The following ELF1 variants were observed in gnomAD, a reference collection of about 807,000 sequenced individuals.
ELF1 encodes ETS-related transcription factor Elf-1.
Under a neutral mutation model 59.9 loss-of-function variants are expected in ELF1, and 24 were observed. That is an observed-to-expected ratio of 0.40 (90% CI 0.29 to 0.56). ELF1 has a LOEUF of 0.56. Ranked by LOEUF, ELF1 falls within the 20% of genes least tolerant of loss-of-function variation. The pLI, the probability that ELF1 is intolerant of heterozygous loss-of-function variation, is 0.44. For missense variants in ELF1, 627 were observed against 742.2 expected (o/e 0.84, Z 1.80); for synonymous variants, 248 against 266.2 (o/e 0.93, Z 0.67).
At chr13:40,965,020 C>T (rs1340421981) in intron 2 of ELF1, among the ~76,000 whole-genome samples, 1 of 152,162 alleles carries the variant, frequency 6.6e-6, no homozygotes, top group Non-Finnish European at 1.5e-5. Flanking sequence ...CACGCAGGCA[C>T]AATTCAACCA....
chr13:41,027,970 G>T (rs1271038057), intron 1 of ELF1, among the ~76,000 whole-genome samples: 1 of 152,088 alleles, frequency 6.6e-6, no homozygotes, highest in Non-Finnish European at 1.5e-5. Context: ...CCACTACATG[G>T]TACTGTTTTT....
At chr13:41,008,365 C>G (rs1593392664) in intron 1 of ELF1, among the ~76,000 whole-genome samples, 1 of 152,094 alleles carries the variant, frequency 6.6e-6, no homozygotes, top group Non-Finnish European at 1.5e-5. Flanking sequence ...AAACAACTAA[C>G]AGCAATTGTC....
At position 40,941,168 on chromosome 13, in the gene ELF1, C is replaced by T. The variant is rs2138127060; in HGVS notation, c.1009G>A (p.Val337Ile). The T allele has an allele frequency of 1.2e-6, 2 of 1,614,038 alleles. No individual in the cohort carries two copies. Among genetic ancestry groups the T allele is most frequent in the Non-Finnish European group, 8.5e-7 (1 of 1,179,910 alleles). The stretch of plus-strand genomic sequence containing the variant: ...AGAACTGTAGTGGCTCCTCCTTTTA[C>T]CCCTGGACTTGAAGATACTCTCGAC... ...SRSRVSSSPG[V>I]KGGATTVLKP... Residue 337 changes from valine to isoleucine, a missense_variant, in exon 8 of 9, where the codon GTA becomes ATA. By Grantham distance (29) the Val-to-Ile change is conservative (BLOSUM62 3). Around this residue, in one of 3 missense-constraint regions of ELF1, gnomAD observed 361 missense variants for 396.1 expected, o/e 0.91. Coordinates refer to ENST00000239882, the MANE Select transcript of ELF1 (RefSeq NM_172373.4).
At chr13:40,977,067 G>GA (rs978876802) in intron 2 of ELF1, among the ~76,000 whole-genome samples, 14 of 147,910 alleles carry the variant, frequency 9.5e-5, no homozygotes, top group African/African-American at 1.7e-4. Flanking sequence ...ACCAATGACT[G>GA]AAAAAAAAAT....
At chr13:41,039,168 G>C (rs1023453468) in intron 1 of ELF1, among the ~76,000 whole-genome samples, 1 of 151,916 alleles carries the variant, frequency 6.6e-6, no homozygotes, top group African/African-American at 2.4e-5. Context: ...GGAAGGCCGA[G>C]GTAGGTGGAT....
intron 1 of ELF1, among the ~76,000 whole-genome samples, chr13:41,053,820 G>A (rs886355825): frequency 3.3e-5 from 5 of 152,128 alleles, no homozygotes; most frequent in African/African-American, 1.2e-4. Context: ...TATAATTTGT[G>A]AGCAGAGTGT....
At position 41,019,280 on chromosome 13, in the gene ELF1, C is replaced by T. The variant is rs1050520284; in HGVS notation, c.-281G>A. 9.1e-6 allele frequency: 9 copies of T among 985,340 alleles called. No homozygotes were observed. Among genetic ancestry groups the T allele is most frequent in the African/African-American group, 5.2e-5 (3 of 57,314 alleles). The allele number at this position is 985,340 out of a possible 1,614,324, so 61.0% of individuals were successfully genotyped here. A position where few individuals can be genotyped will look rare whatever the true frequency, so the allele number is the denominator to read the frequency against. ...TTGAGCTTGAAAATAAAAAGCAATC[C>T]GACAAGTTTTAGCTGTTAAAATGGC... On this transcript the variant is annotated 5_prime_UTR_variant, in exon 1 of 9. Coordinates refer to ENST00000239882, the MANE Select transcript of ELF1 (RefSeq NM_172373.4).
intron 2 of ELF1, among the ~76,000 whole-genome samples, 188 bp downstream of exon 2, chr13:40,981,795 T>G (rs2138271384): frequency 1.3e-5 from 2 of 152,298 alleles, no homozygotes; most frequent in South Asian, 4.1e-4. Flanking sequence ...AAGCTAAGGA[T>G]AAGACTTATT....
At chr13:41,060,905 A>G (rs1367442666) in exon 1 of ELF1, 3 of 320,486 alleles carry the variant, frequency 9.4e-6, no homozygotes, top group Non-Finnish European at 1.2e-5. Context: ...GCGCTACTGA[A>G]GCTGCTGCTG....
At chr13:40,954,779 G>C (rs1291563848) in intron 3 of ELF1, among the ~76,000 whole-genome samples, 7 of 150,034 alleles carry the variant, frequency 4.7e-5, no homozygotes, top group African/African-American at 1.5e-4. Flanking sequence ...GAGTGCAGTG[G>C]CGTGATCTCG....
At position 40,932,016 on chromosome 13, in the gene ELF1, G is replaced by A. The variant is rs1869439723; in HGVS notation, c.*1409C>T. 1 of 152,054 alleles carries A rather than the reference G, an allele frequency of 6.6e-6. No individual in the cohort carries two copies. The highest frequency in any genetic ancestry group is 2.4e-5 in the African/African-American group (1 of 41,396). 9.4% of individuals were successfully genotyped at this position (152,054 alleles called of 1,614,324 possible). ...CTTATTCTTTAAGAAACTTTTGCCTGAAAACAGACACTGAGAATTTTTATA... is the reference window on the plus strand; with the variant it reads ...CTTATTCTTTAAGAAACTTTTGCCTAAAAACAGACACTGAGAATTTTTATA... On this transcript the variant is annotated 3_prime_UTR_variant, in exon 9 of 9. Transcript: ENST00000239882.
chr13:40,984,153 T>C (rs867803485), intron 1 of ELF1, among the ~76,000 whole-genome samples: 1 of 152,234 alleles, frequency 6.6e-6, no homozygotes, highest in African/African-American at 2.4e-5. Context: ...CCAAGACAAC[T>C]GAAGCAAAAC....
rs201071411 is a variant in ELF1 at position 41,044,111 on chromosome 13, G to T, written c.-229+16727C>A. 2.6e-5 allele frequency among the ~76,000 whole-genome samples: 4 copies of T among 152,192 alleles called. No homozygotes were observed. The East Asian group carries it at 7.7e-4, about 29-fold the overall frequency. On this transcript the variant is annotated intron_variant, in intron 1 of 1. Coordinates refer to the ELF1 transcript ENST00000405737. ...GGTTCTCTGTTTGTCTGTTATTGGT[G>T]TATAAGAATGCTTGTGATTTTTGCA...
chr13:40,979,233 AT>A (rs369914517), intron 2 of ELF1, among the ~76,000 whole-genome samples: 1 of 151,734 alleles, frequency 6.6e-6, no homozygotes, highest in East Asian at 1.9e-4. Flanking sequence ...ACACACACAC[AT>A]AATGACAAAA....
intron 1 of ELF1, among the ~76,000 whole-genome samples, chr13:41,005,819 T>A (rs571222286): frequency 6.8e-6 from 1 of 146,318 alleles, no homozygotes. Flanking sequence ...CCCAAACTAA[T>A]AATCAATCCT....
At chr13:41,061,351 T>C in exon 1 of ELF1, 1 of 469,086 alleles carries the variant, frequency 2.1e-6, no homozygotes, top group South Asian at 2.5e-5. Context: ...AGGCTTGAGA[T>C]CCCGTCCTTC....
At chr13:41,018,879 C>T (rs1875569942) in intron 1 of ELF1, among the ~76,000 whole-genome samples, 1 of 152,074 alleles carries the variant, frequency 6.6e-6, no homozygotes, top group African/African-American at 2.4e-5. Flanking sequence ...CTTCAACTAC[C>T]CCAAAAAATA....
At chr13:41,006,348 G>C (rs929216153) in intron 1 of ELF1, among the ~76,000 whole-genome samples, 1 of 152,074 alleles carries the variant, frequency 6.6e-6, no homozygotes, top group African/African-American at 2.4e-5. Context: ...AACCATGAAG[G>C]AAGAATGAAG....
At chr13:41,040,901 C>T (rs576716651) in intron 1 of ELF1, among the ~76,000 whole-genome samples, 13 of 152,178 alleles carry the variant, frequency 8.5e-5, no homozygotes, top group East Asian at 7.7e-4. Flanking sequence ...AGCACTGTTC[C>T]GCAGACTAAG....
Sources: gnomAD v4.1 joint callset for allele counts (sites outside exome capture counted in the v4.1 genomes callset) on GRCh38, gnomAD v4.1.1 for gene constraint, gnomAD v4.1.1 regional missense constraint, MANE v1.5 for transcripts, NCBI Gene and HGNC (gene_info 2026-07-23, HGNC 2026-07-21) for gene names.